Variants in KIAA1328 observed in about 807,000 individuals in gnomAD.
KIAA1328 encodes KIAA1328.
In KIAA1328, 52 loss-of-function variants were observed where a neutral mutation model predicts 68.1. The ratio of observed to expected loss-of-function variants is 0.76; its 90% CI spans 0.61 to 0.96. The LOEUF is 0.96. KIAA1328 is among the 40% of genes least tolerant of loss of function. The pLI is 0.00. For missense variants in KIAA1328, 641 were observed against 677.6 expected (o/e 0.95, Z 0.60); for synonymous variants, 232 against 239.4 (o/e 0.97, Z 0.28).
intron 4 of KIAA1328, among the ~76,000 whole-genome samples, chr18:36,858,130 T>C (rs2047441443): frequency 6.6e-6 from 1 of 152,160 alleles, no homozygotes. Context: ...TGTAGATTTG[T>C]CTGTTTCTCC....
chr18:37,137,339 A>ATCCTTC (rs1054410892), intron 7 of KIAA1328, among the ~76,000 whole-genome samples: 2 of 151,998 alleles, frequency 1.3e-5, no homozygotes, highest in African/African-American at 4.8e-5. Context: ...TTGCTCAAGG[A>ATCCTTC]TCCTTCTCCT....
intron 8 of KIAA1328, among the ~76,000 whole-genome samples, chr18:37,167,971 C>A (rs989261647): frequency 1.3e-5 from 2 of 150,918 alleles, no homozygotes; most frequent in Non-Finnish European, 2.9e-5. Flanking sequence ...ATATACTTAA[C>A]AAAATACTAG....
chr18:37,022,093 AAATTGAGG>A (rs1193571081), intron 6 of KIAA1328, among the ~76,000 whole-genome samples: 2 of 151,510 alleles, frequency 1.3e-5, no homozygotes, highest in Admixed American at 1.3e-4. Flanking sequence ...TAAAACAAAC[AAATTGAGG>A]AATTTACTTT....
intron 5 of KIAA1328, chr18:36,886,500 GTGTGTGTGTGTGTGTGTGTT>G (rs1413375014): frequency 8.1e-6 from 1 of 123,258 alleles, no homozygotes; most frequent in Non-Finnish European, 1.5e-5. Flanking sequence ...ACCTAGAGGG[GTGTGTGTGTGTGTGTGTGTT>G]TGTGTGTGTG....
intron 5 of KIAA1328, among the ~76,000 whole-genome samples, chr18:36,953,040 T>A (rs2051227925): frequency 6.6e-6 from 1 of 151,706 alleles, no homozygotes. Flanking sequence ...TTTATTATGA[T>A]AACTTTCAAA....
intron 5 of KIAA1328, among the ~76,000 whole-genome samples, chr18:36,932,675 TTCAG>T (rs2050354327): frequency 6.6e-6 from 1 of 152,230 alleles, no homozygotes; most frequent in Non-Finnish European, 1.5e-5. Context: ...AGTCCCATTG[TTCAG>T]TCATATAAGA....
chr18:36,862,346 A>G (rs1468457590), intron 4 of KIAA1328, among the ~76,000 whole-genome samples: 1 of 152,200 alleles, frequency 6.6e-6, no homozygotes, highest in Non-Finnish European at 1.5e-5. Flanking sequence ...TATAGACACA[A>G]ATACTTTCTT....
intron 7 of KIAA1328, among the ~76,000 whole-genome samples, chr18:37,097,292 G>T (rs555475878): frequency 2.0e-5 from 3 of 152,282 alleles, no homozygotes; most frequent in African/African-American, 7.2e-5. Context: ...TTCTACATAT[G>T]GCTAGCCAGT....
At chr18:36,914,178 C>T (rs2049588029) in intron 5 of KIAA1328, among the ~76,000 whole-genome samples, 1 of 152,074 alleles carries the variant, frequency 6.6e-6, no homozygotes, top group Admixed American at 6.6e-5. Context: ...AAATATAATA[C>T]AGATGGAGTG....
chr18:36,835,165 G>A, intron 2 of KIAA1328, 69 bp from the exon 3 acceptor site: 2 of 1,357,180 alleles, frequency 1.5e-6, no homozygotes, highest in South Asian at 1.4e-5. Context: ...TTCCAAGGAA[G>A]GAGTTGATGG....
At chr18:37,062,089 A>G (rs2056169250) in intron 6 of KIAA1328, among the ~76,000 whole-genome samples, 2 of 152,230 alleles carry the variant, frequency 1.3e-5, no homozygotes, top group African/African-American at 2.4e-5. Flanking sequence ...AGGCAGTGCA[A>G]CATGTTAGTG....
intron 6 of KIAA1328, among the ~76,000 whole-genome samples, chr18:37,016,628 C>T (rs923187508): frequency 6.6e-6 from 1 of 152,040 alleles, no homozygotes; most frequent in African/African-American, 2.4e-5. Context: ...CTTTTTATTA[C>T]TGATTCAATT....
At chr18:37,037,470 T>C (rs1032947136) in intron 6 of KIAA1328, among the ~76,000 whole-genome samples, 2 of 152,244 alleles carry the variant, frequency 1.3e-5, no homozygotes, top group Non-Finnish European at 2.9e-5. Context: ...TTTGTCTCTT[T>C]CCACTAGAAT....
chr18:37,099,177 T>C (rs1037273615), intron 7 of KIAA1328, among the ~76,000 whole-genome samples: 4 of 152,226 alleles, frequency 2.6e-5, no homozygotes, highest in Non-Finnish European at 5.9e-5. Context: ...AGGATGTCAA[T>C]TTTAGATCTT....
chr18:37,060,382 C>T (rs774566671), intron 6 of KIAA1328, among the ~76,000 whole-genome samples: 23 of 152,040 alleles, frequency 1.5e-4, no homozygotes, highest in Non-Finnish European at 2.6e-4. Context: ...GACCAAAAAG[C>T]ATAAGAAAAG....
Position 36,903,125 on chromosome 18 carries a change from A to T in KIAA1328, c.448+17453A>T, listed in dbSNP as rs539039851. Among the ~76,000 whole-genome samples the T allele has an allele frequency of 2.0e-5, 3 of 152,176 alleles. No homozygotes were observed. In the East Asian group the frequency reaches 5.8e-4, roughly 29 times the overall value. ...TGTTTATCATGGAATATTTTAGAAT[A>T]ATATAGAATATTGCTTCATTCCCAA... is the stretch of plus-strand genomic sequence containing the variant. On this transcript the variant is annotated intron_variant, in intron 5 of 9. Transcript: ENST00000280020.
intron 6 of KIAA1328, among the ~76,000 whole-genome samples, chr18:36,970,290 T>A (rs1277068253): frequency 6.6e-6 from 1 of 152,224 alleles, no homozygotes; most frequent in East Asian, 1.9e-4. Context: ...ACATTAGGTA[T>A]TGGTGGAACA....
chr18:37,071,518 A>G (rs1373317054), intron 7 of KIAA1328, among the ~76,000 whole-genome samples: 2 of 152,224 alleles, frequency 1.3e-5, no homozygotes, highest in African/African-American at 4.8e-5. Flanking sequence ...AAAATATAGT[A>G]TAGCAAATAT....
intron 5 of KIAA1328, among the ~76,000 whole-genome samples, chr18:36,929,342 G>A (rs1183501317): frequency 6.6e-6 from 1 of 152,106 alleles, no homozygotes; most frequent in Non-Finnish European, 1.5e-5. Flanking sequence ...CTCAGAAATG[G>A]GCACCTCTCT....
Sources: allele counts gnomAD v4.1 joint callset (sites outside exome capture counted in the v4.1 genomes callset), GRCh38; gene constraint gnomAD v4.1.1; transcripts MANE v1.5; gene names NCBI Gene and HGNC (gene_info 2026-07-23, HGNC 2026-07-21).